The following LOXL3 variants were observed in gnomAD, a reference collection of about 807,000 sequenced individuals.
The protein encoded by LOXL3 is lysyl oxidase homolog 3.
A neutral mutation model predicts 91.8 loss-of-function variants in LOXL3; 60 were observed. The observed-to-expected ratio is 0.65, with a 90% CI of 0.53 to 0.81. LOXL3 has a LOEUF of 0.81. Among genes scored for constraint, LOXL3 ranks in the 30% least tolerant of loss-of-function variants. The pLI is 0.00. For synonymous variants in LOXL3, 355 were observed against 387.6 expected, an observed-to-expected ratio of 0.92 and a Z score of 0.99; for missense variants, 874 against 1,000.4, an observed-to-expected ratio of 0.87 and a Z score of 1.70.
In LOXL3 at chr2:74,536,991, A is replaced by T; in HGVS notation, c.693-63T>A. On this transcript the variant is annotated intron_variant, in intron 4 of 13. Transcript: ENST00000264094. This position sits in a 1 kb window ranked among gnomAD's most constrained non-coding sequence, Gnocchi z 4.5. ...ATGCTCCTGCCTCTTGGCCCCACAA[A>T]CATCCTCCCACTTCATGCCTCCACC... The T allele has an allele frequency of 1.5e-6, 2 of 1,329,192 alleles. No homozygotes were observed. The highest frequency in any genetic ancestry group is 2.1e-6 in the Non-Finnish European group (2 of 940,274). The allele number at this position is 1,329,192 out of a possible 1,614,324, so 82.3% of individuals were successfully genotyped here. A position where few individuals can be genotyped will look rare whatever the true frequency, so the allele number is the denominator to read the frequency against.
In LOXL3 at chr2:74,535,478, TG is replaced by T; in HGVS notation, c.1417-25del. The T allele has an allele frequency of 6.2e-7, 1 of 1,613,418 alleles. No individual in the cohort carries two copies. The highest frequency in any genetic ancestry group is 1.3e-5 in the African/African-American group (1 of 75,072). On this transcript the variant is annotated intron_variant, in intron 8 of 13. Coordinates refer to ENST00000264094, the MANE Select transcript of LOXL3 (RefSeq NM_032603.5). The surrounding 1 kb of genome is among the most constrained non-coding windows in gnomAD (Gnocchi z 4.2). The stretch of plus-strand genomic sequence containing the variant: ...TCCTGGGGACATATGCAGATGTTTC[TG>T]TAAGGCCCAGGATCCAGCATCTTGG...
chr2:74,552,436 C>G lies in LOXL3; in HGVS notation c.199G>C (p.Gly67Arg). ...GTGAAGTCATCATCGCAGATGGTGC[C>G]CCATTCACCAGCTCGCTGTATCTCC... ...RVEIQRAGEW[G>R]TICDDDFTLQ... The change falls in exon 2 of 14, where the codon GGC becomes CGC. Residue 67 changes from glycine to arginine, a missense_variant. Gly to Arg is a moderately radical substitution (Grantham distance 125). Transcript: ENST00000264094. 1 of 1,613,894 alleles carries G rather than the reference C, an allele frequency of 6.2e-7. No homozygotes were observed. Among genetic ancestry groups the G allele is most frequent in the Non-Finnish European group, 8.5e-7 (1 of 1,179,930 alleles).
upstream of LOXL3, chr2:74,555,500 G>T (rs374634988): frequency 2.0e-5 from 33 of 1,610,790 alleles, no homozygotes; most frequent in African/African-American, 3.7e-4. This position sits in a 1 kb window ranked among gnomAD's most constrained non-coding sequence, Gnocchi z 6.1. Context: ...CAGAGGCAGA[G>T]AAATGGGGCT....
upstream of LOXL3, chr2:74,555,190 A>G: frequency 1.2e-6 from 2 of 1,613,406 alleles, no homozygotes; most frequent in Non-Finnish European, 8.5e-7. This position sits in a 1 kb window ranked among gnomAD's most constrained non-coding sequence, Gnocchi z 6.1. Flanking sequence ...CTACCCGGCC[A>G]GTCCCCACGG....
chr2:74,533,044 G>C lies in LOXL3; in HGVS notation c.*562C>G. ...ATTTCCTCCTTGCCTTTCTGGCTGA[G>C]GTTCTGAGGGCACCGAGACAGAGGG... On this transcript the variant is annotated 3_prime_UTR_variant, in exon 14 of 14. Coordinates refer to ENST00000264094, the MANE Select transcript of LOXL3 (RefSeq NM_032603.5). The C allele has an allele frequency of 1.3e-6, 2 of 1,555,866 alleles. No individual in the cohort carries two copies. Among genetic ancestry groups the C allele is most frequent in the Non-Finnish European group, 1.8e-6 (2 of 1,131,982 alleles).
chr2:74,550,934 GTT>G (rs1030182702), intron 2 of LOXL3, among the ~76,000 whole-genome samples: 1 of 135,364 alleles, frequency 7.4e-6, no homozygotes. Flanking sequence ...TCTGAAACCT[GTT>G]TTTTTTTTTT....
In LOXL3 at chr2:74,552,173, T is replaced by C. The variant is rs868512599; in HGVS notation, c.313+149A>G. ...GTCACACAGCTCTGGGAAGTAACTA[T>C]GTTGCTTGGTTTGTCATCCATGGAT... On this transcript the variant is annotated intron_variant, in intron 2 of 13. Coordinates refer to ENST00000264094, the MANE Select transcript of LOXL3 (RefSeq NM_032603.5). 6 of 712,714 alleles carry C rather than the reference T, an allele frequency of 8.4e-6. No homozygotes were observed. The Middle Eastern group carries it at 1.2e-3, about 145-fold the overall frequency. The allele number at this position is 712,714 out of a possible 1,614,324, so 44.1% of individuals were successfully genotyped here.
intron 4 of LOXL3, among the ~76,000 whole-genome samples, chr2:74,540,512 A>C (rs1676265980): frequency 1.3e-5 from 2 of 152,246 alleles, no homozygotes; most frequent in South Asian, 4.1e-4. Flanking sequence ...CCGAATATCC[A>C]AGGGCGTTAA....
chr2:74,549,979 A>C lies in LOXL3; in HGVS notation c.477+206T>G. Reference sequence around the variant, plus strand: ...ACTAGGGATGAAGCTGGAGAGGCTCATGCCAGGTTTAGCCCCTTGAATGTG... The same window carrying C: ...ACTAGGGATGAAGCTGGAGAGGCTCCTGCCAGGTTTAGCCCCTTGAATGTG... On this transcript the variant is annotated intron_variant, in intron 3 of 13. Coordinates refer to ENST00000264094, the MANE Select transcript of LOXL3 (RefSeq NM_032603.5). The surrounding 1 kb of genome is among the most constrained non-coding windows in gnomAD (Gnocchi z 5.3). The C allele has an allele frequency of 1.0e-6, 1 of 985,482 alleles. No homozygotes were observed. Among genetic ancestry groups the C allele is most frequent in the Non-Finnish European group, 1.2e-6 (1 of 829,944 alleles). The allele number at this position is 985,482 out of a possible 1,614,324, so 61.0% of individuals were successfully genotyped here.
chr2:74,555,032 C>T, upstream of LOXL3: 1 of 1,412,764 alleles, frequency 7.1e-7, no homozygotes, highest in Non-Finnish European at 9.5e-7. This position sits in a 1 kb window ranked among gnomAD's most constrained non-coding sequence, Gnocchi z 6.1. Flanking sequence ...GGAAACTTCG[C>T]CCCCAACCCC....
At position 74,549,348 on chromosome 2, in the gene LOXL3, C is replaced by A; in HGVS notation, c.692+21G>T. On this transcript the variant is annotated intron_variant, in intron 4 of 13. Coordinates refer to ENST00000264094, the MANE Select transcript of LOXL3 (RefSeq NM_032603.5). The surrounding 1 kb of genome is among the most constrained non-coding windows in gnomAD (Gnocchi z 5.3). ...GCACCCCAATCCCGGCCTGCTCCGC[C>A]CGGCGCCCGCGGCCCCTCACCTGTA... The A allele has an allele frequency of 6.4e-7, 1 of 1,551,180 alleles. No homozygotes were observed. The highest frequency in any genetic ancestry group is 2.4e-5 in the East Asian group (1 of 41,198).
chr2:74,533,943 A>AT lies in LOXL3; in HGVS notation c.2126dup (p.Asn709LysfsTer6). On this transcript the variant is annotated frameshift_variant, in exon 13 of 14. Transcript: ENST00000264094. LOFTEE classifies it high-confidence loss of function. The stretch of plus-strand genomic sequence containing the variant: ...CATATTTGCAGTTACATTTCATTGC[A>AT]TTGTTGGTAAAGTCACTCTCTGCTA... The AT allele has an allele frequency of 6.2e-7, 1 of 1,614,140 alleles. No individual in the cohort carries two copies. Among genetic ancestry groups the AT allele is most frequent in the Non-Finnish European group, 8.5e-7 (1 of 1,180,024 alleles).
upstream of LOXL3, chr2:74,555,073 G>A: frequency 6.6e-7 from 1 of 1,506,232 alleles, no homozygotes; most frequent in Non-Finnish European, 8.9e-7. This position sits in a 1 kb window ranked among gnomAD's most constrained non-coding sequence, Gnocchi z 6.1. Context: ...AAATCGACTT[G>A]CGCCGCAACC....
chr2:74,548,401 G>C (rs2104435972), intron 4 of LOXL3, among the ~76,000 whole-genome samples: 1 of 152,336 alleles, frequency 6.6e-6, no homozygotes, highest in East Asian at 1.9e-4. Context: ...TATAAGCAGT[G>C]GGAAGCTGCC....
chr2:74,542,207 C>A (rs376477549), intron 4 of LOXL3, among the ~76,000 whole-genome samples: 1 of 152,130 alleles, frequency 6.6e-6, no homozygotes, highest in Non-Finnish European at 1.5e-5. Context: ...ATGGGATGAT[C>A]GCTTGAGCCC....
At position 74,536,885 on chromosome 2, in the gene LOXL3, C is replaced by T. The variant is rs1171453817; in HGVS notation, c.736G>A (p.Val246Met). 3 of 1,614,200 alleles carry T rather than the reference C, an allele frequency of 1.9e-6. No individual in the cohort carries two copies. The East Asian group carries it at 6.7e-5, about 36-fold the overall frequency. ...TGGGCCTCCGTGCCCACGCACGCCA[C>T]CCCATGCAGACCAAAGGAGTGTTGC... ...RQQHSFGLHG[V>M]ACVGTEAHLS... Residue 246 changes from valine to methionine, a missense_variant, in exon 5 of 14, where the codon GTG becomes ATG. Coordinates refer to ENST00000264094, the MANE Select transcript of LOXL3 (RefSeq NM_032603.5). This position sits in a 1 kb window ranked among gnomAD's most constrained non-coding sequence, Gnocchi z 4.5.
At chr2:74,554,413 T>C, upstream of LOXL3, 1 of 311,842 alleles carries the variant, frequency 3.2e-6, no homozygotes, top group Non-Finnish European at 6.0e-6. The surrounding 1 kb of genome is among the most constrained non-coding windows in gnomAD (Gnocchi z 4.9). Flanking sequence ...GCTTTCGGGG[T>C]GATGTCATGG....
intron 2 of LOXL3, among the ~76,000 whole-genome samples, chr2:74,551,107 A>G (rs1468212857): frequency 6.6e-6 from 1 of 152,018 alleles, no homozygotes; most frequent in Admixed American, 6.6e-5. Context: ...TAATTTTTGT[A>G]TTTGTAGTAG....
Position 74,532,380 on chromosome 2 carries a change from C to T in LOXL3, c.*1226G>A. 2 of 551,674 alleles carry T rather than the reference C, an allele frequency of 3.6e-6. 1 individual carries two copies. The highest frequency in any genetic ancestry group is 3.8e-5 in the South Asian group (2 of 52,780). The allele number at this position is 551,674 out of a possible 1,614,324, so 34.2% of individuals were successfully genotyped here. On this transcript the variant is annotated 3_prime_UTR_variant, in exon 14 of 14. Transcript: ENST00000264094. ...AGCTTCTCTTAGTATTCTAGAATGA[C>T]ATTAGTGCTATTGATTTAACACTGT...
Sources: allele counts gnomAD v4.1 joint callset (sites outside exome capture counted in the v4.1 genomes callset), GRCh38; gene constraint gnomAD v4.1.1; non-coding constraint Gnocchi (gnomAD v3.1); transcripts MANE v1.5; gene names NCBI Gene and HGNC (gene_info 2026-07-23, HGNC 2026-07-21).